The following ACYP2 variants were observed in gnomAD, a reference collection of about 807,000 sequenced individuals.
The protein encoded by ACYP2 is acylphosphatase 2.
Under a neutral mutation model 11.2 loss-of-function variants are expected in ACYP2, and 12 were observed. The ratio of observed to expected loss-of-function variants is 1.08; its 90% CI spans 0.69 to 1.74. ACYP2 has a LOEUF of 1.74. Ranked by LOEUF, ACYP2 falls within the 40% of genes most tolerant of loss-of-function variation. ACYP2 has a pLI of 0.00. For synonymous variants in ACYP2, 43 were observed against 32.2 expected (o/e 1.33, Z -1.13); for missense variants, 134 against 101.9 (o/e 1.31, Z -1.35).
At chr2:54,170,472 C>T (rs1343597674) in intron 6 of ACYP2, among the ~76,000 whole-genome samples, 4 of 152,022 alleles carry the variant, frequency 2.6e-5, no homozygotes, top group Admixed American at 6.6e-5. Flanking sequence ...CTTCTTTTAG[C>T]GTTTTGTGAC....
At chr2:54,274,461 T>G (rs1162013207) in intron 6 of ACYP2, among the ~76,000 whole-genome samples, 1 of 151,738 alleles carries the variant, frequency 6.6e-6, no homozygotes, top group Non-Finnish European at 1.5e-5. Flanking sequence ...GGCAACATAG[T>G]GAGCCCATTT....
At chr2:54,265,997 GC>G in intron 6 of ACYP2, among the ~76,000 whole-genome samples, 1 of 152,008 alleles carries the variant, frequency 6.6e-6, no homozygotes, top group Non-Finnish European at 1.5e-5. Flanking sequence ...AATTTATTAT[GC>G]CCATAAAAAA....
intron 4 of ACYP2, among the ~76,000 whole-genome samples, chr2:54,077,625 T>C (rs1477701030): frequency 1.3e-5 from 2 of 152,190 alleles, no homozygotes; most frequent in African/African-American, 2.4e-5. Context: ...GAGGATAGAC[T>C]GACCATTAGA....
chr2:54,054,004 T>G (rs943629700), intron 3 of ACYP2, among the ~76,000 whole-genome samples: 3 of 152,334 alleles, frequency 2.0e-5, no homozygotes, highest in African/African-American at 7.2e-5. Context: ...GCACAGACTC[T>G]CTGGGTAGAG....
At chr2:54,104,977 T>C (rs1324400850) in intron 4 of ACYP2, among the ~76,000 whole-genome samples, 1 of 152,186 alleles carries the variant, frequency 6.6e-6, no homozygotes, top group Non-Finnish European at 1.5e-5. Context: ...ATTCAGGTAT[T>C]CCCTTCGAAG....
At chr2:53,983,638 A>C (rs1369475513) in intron 2 of ACYP2, among the ~76,000 whole-genome samples, 1 of 152,208 alleles carries the variant, frequency 6.6e-6, no homozygotes, top group African/African-American at 2.4e-5. Context: ...AAGCAGAGTT[A>C]GATCACGTAG....
intron 2 of ACYP2, among the ~76,000 whole-genome samples, chr2:54,049,327 C>T (rs1356266225): frequency 6.6e-6 from 1 of 152,124 alleles, no homozygotes; most frequent in Non-Finnish European, 1.5e-5. Flanking sequence ...CTTCCACCAT[C>T]TTATAAGACT....
chr2:54,209,236 T>G (rs188243833), intron 6 of ACYP2, among the ~76,000 whole-genome samples: 1 of 152,350 alleles, frequency 6.6e-6, no homozygotes, highest in Admixed American at 6.5e-5. Flanking sequence ...AATGTACTGC[T>G]TATCTTAATT....
At chr2:54,076,777 A>G (rs941191389) in intron 4 of ACYP2, among the ~76,000 whole-genome samples, 1 of 152,168 alleles carries the variant, frequency 6.6e-6, no homozygotes, top group Non-Finnish European at 1.5e-5. Context: ...TGGTGGCTAG[A>G]TCAGGGCCCC....
At chr2:54,126,817 G>A (rs1396767189) in intron 4 of ACYP2, among the ~76,000 whole-genome samples, 2 of 152,086 alleles carry the variant, frequency 1.3e-5, no homozygotes, top group Non-Finnish European at 2.9e-5. Flanking sequence ...AGGTGTGGTG[G>A]TGTGCATGTG....
chr2:53,977,599 G>C (rs1037497583), intron 2 of ACYP2, among the ~76,000 whole-genome samples: 2 of 151,974 alleles, frequency 1.3e-5, no homozygotes, highest in African/African-American at 4.8e-5. Flanking sequence ...GCTGGGTGTG[G>C]TGGCATGCGC....
At chr2:54,300,419 C>A (rs1209072797) in intron 6 of ACYP2, among the ~76,000 whole-genome samples, 1 of 152,212 alleles carries the variant, frequency 6.6e-6, no homozygotes, top group East Asian at 1.9e-4. Flanking sequence ...AAAGTCACCT[C>A]ACTAGAGTTC....
At chr2:53,982,873 T>TGTGTGTGTGTGA (rs975722003) in intron 2 of ACYP2, among the ~76,000 whole-genome samples, 1 of 135,650 alleles carries the variant, frequency 7.4e-6, no homozygotes, top group Non-Finnish European at 1.6e-5. Flanking sequence ...TGTGTGTGTG[T>TGTGTGTGTGTGA]GATATAAATA....
At chr2:53,976,263 A>G (rs1671482286) in intron 2 of ACYP2, among the ~76,000 whole-genome samples, 2 of 152,148 alleles carry the variant, frequency 1.3e-5, no homozygotes, top group South Asian at 4.1e-4. Context: ...GCTGGAGTAC[A>G]ATGGCACAAT....
intron 4 of ACYP2, chr2:54,115,643 C>T: frequency 4.4e-6 from 7 of 1,586,038 alleles, no homozygotes; most frequent in Non-Finnish European, 6.0e-6. Flanking sequence ...GCAGCCGCCG[C>T]AGTCGCTGCG....
intron 2 of ACYP2, chr2:54,029,986 G>A (rs1041356291): frequency 8.2e-6 from 2 of 244,656 alleles, no homozygotes; most frequent in African/African-American, 2.3e-5. Context: ...GAGAAGGCCC[G>A]AGATAATTCC....
chr2:54,000,522 G>T (rs1378633591), intron 2 of ACYP2, among the ~76,000 whole-genome samples: 1 of 152,308 alleles, frequency 6.6e-6, no homozygotes, highest in East Asian at 1.9e-4. Context: ...GTCAGGATAG[G>T]CTGGGTTATG....
intron 2 of ACYP2, among the ~76,000 whole-genome samples, chr2:53,997,955 G>A (rs1672650725): frequency 6.6e-6 from 1 of 152,110 alleles, no homozygotes; most frequent in Non-Finnish European, 1.5e-5. Flanking sequence ...ACCTATTGAG[G>A]CTATTTATGA....
chr2:54,074,578 TTGTGTGTGTG>T (rs59845178), intron 4 of ACYP2, among the ~76,000 whole-genome samples: 34,241 of 145,926 alleles, frequency 0.23, 4,229 homozygotes, highest in South Asian at 0.43. Context: ...AGAACAGAAT[TTGTGTGTGTG>T]TGTGTGTGTG....
Sources: allele counts gnomAD v4.1 joint callset (sites outside exome capture counted in the v4.1 genomes callset), GRCh38; gene constraint gnomAD v4.1.1; transcripts MANE v1.5; gene names NCBI Gene and HGNC (gene_info 2026-07-23, HGNC 2026-07-21).